POLH: variants seen among roughly 807,000 people sequenced by gnomAD.
POLH encodes the protein DNA polymerase eta transcript.
In POLH, 53 loss-of-function variants were observed where a neutral mutation model predicts 73.6. That is an observed-to-expected ratio of 0.72 (90% confidence interval 0.58 to 0.91). The LOEUF (loss-of-function observed/expected upper bound fraction) is 0.91. Ranked by LOEUF, POLH falls within the 40% of genes least tolerant of loss-of-function variation. POLH has a pLI of 0.00. For synonymous variants in POLH, 292 were observed against 308.5 expected, an observed-to-expected ratio of 0.95 and a Z score of 0.56; for missense variants, 768 against 865.4, an observed-to-expected ratio of 0.89 and a Z score of 1.41.
At chr6:43,595,057 G>A (rs1479228063) in intron 4 of POLH, among the ~76,000 whole-genome samples, 1 of 152,104 alleles carries the variant, frequency 6.6e-6, no homozygotes, top group African/African-American at 2.4e-5. Flanking sequence ...TTAGCTGGGC[G>A]TGGTGGCATC....
intron 5 of POLH, among the ~76,000 whole-genome samples, chr6:43,600,158 C>CA (rs138043805): frequency 2.9e-3 from 397 of 134,930 alleles, no homozygotes; most frequent in Middle Eastern, 0.011. Context: ...AACTCTGTCT[C>CA]AAAAAAAAAA....
In POLH at chr6:43,616,315, T is replaced by G. The variant is rs367657030; in HGVS notation, c.*1758T>G. On this transcript the variant is annotated 3_prime_UTR_variant, in exon 11 of 11. Coordinates refer to ENST00000372236, the MANE Select transcript of POLH (RefSeq NM_006502.3). ...AAAAAAGAAAAACTTCTCTTTAGGC[T>G]GGGTGCGGTTCCTCATGCCTATAAT... 1.8e-4 allele frequency among the ~76,000 whole-genome samples: 26 copies of G among 148,422 alleles called. No homozygotes were observed. The South Asian group carries it at 5.3e-3, about 30-fold the overall frequency.
At position 43,617,687 on chromosome 6, in the gene POLH, T is replaced by C. The variant is rs2127826589; in HGVS notation, c.*3130T>C. On this transcript the variant is annotated 3_prime_UTR_variant, in exon 11 of 11. Transcript: ENST00000372236. ...GCTCATGCCTGTAATCCCAGCACTT[T>C]GGGAGGCTGAGGTGGGTGTATCACG... Among the ~76,000 whole-genome samples the C allele has an allele frequency of 6.6e-6, 1 of 152,032 alleles. No individual in the cohort carries two copies. Among genetic ancestry groups the C allele is most frequent in the Admixed American group, 6.5e-5 (1 of 15,274 alleles).
intron 1 of POLH, among the ~76,000 whole-genome samples, chr6:43,578,108 C>T (rs1172156383): frequency 2.0e-5 from 3 of 151,534 alleles, no homozygotes; most frequent in Admixed American, 6.6e-5. Flanking sequence ...CATGCTAGGC[C>T]GAGCGCGATG....
chr6:43,612,793 A>G (rs1429136458), intron 10 of POLH, among the ~76,000 whole-genome samples: 1 of 150,852 alleles, frequency 6.6e-6, no homozygotes, highest in Non-Finnish European at 1.5e-5. Flanking sequence ...TATGACAAAA[A>G]TTTCTGATTT....
Position 43,595,624 on chromosome 6 carries a change from G to A in POLH, c.491-2072G>A, listed in dbSNP as rs797014208. ...AAATTAGCCGGGCGTGGTTGCAGGC[G>A]ACTGTAGTCCCAGCTACTTGGGAGG... On this transcript the variant is annotated intron_variant, in intron 4 of 10. Coordinates refer to ENST00000372236, the MANE Select transcript of POLH (RefSeq NM_006502.3). Among the ~76,000 whole-genome samples, 7 of 152,026 alleles carry A rather than the reference G, an allele frequency of 4.6e-5. No homozygotes were observed. In the East Asian group the frequency reaches 9.7e-4, roughly 21 times the overall value.
intron 4 of POLH, among the ~76,000 whole-genome samples, chr6:43,595,612 G>A (rs1040801908): frequency 1.3e-5 from 2 of 152,016 alleles, no homozygotes; most frequent in East Asian, 1.9e-4. Context: ...TTAGCCGGGC[G>A]TGGTTGCAGG....
chr6:43,590,312 C>T lies in POLH; in HGVS notation c.490+2823C>T, dbSNP rs534630911. ...GGAGGAGGATGCAGTGAGCTGAGAT[C>T]GTACCACTGCACTCCAGCCTCGGCA... On this transcript the variant is annotated intron_variant, in intron 4 of 10. Coordinates refer to ENST00000372236, the MANE Select transcript of POLH (RefSeq NM_006502.3). Among the ~76,000 whole-genome samples the T allele has an allele frequency of 9.1e-4, 137 of 150,586 alleles. 1 individual carries two copies. Among genetic ancestry groups the T allele is most frequent in the African/African-American group, 5.1e-4 (21 of 40,910 alleles).
At chr6:43,581,163 C>G (rs1764144522) in intron 1 of POLH, among the ~76,000 whole-genome samples, 1 of 148,696 alleles carries the variant, frequency 6.7e-6, no homozygotes, top group Non-Finnish European at 1.5e-5. Flanking sequence ...CAGAGGGTCT[C>G]CTCACTTCTC....
chr6:43,579,892 A>G (rs1159312304), intron 1 of POLH, among the ~76,000 whole-genome samples: 1 of 151,300 alleles, frequency 6.6e-6, no homozygotes, highest in African/African-American at 2.5e-5. Context: ...TGTTGAGTGA[A>G]AGAATCTTTT....
In POLH at chr6:43,619,418, C is replaced by A. The variant is rs1768568509; in HGVS notation, c.*4861C>A. 6.7e-6 allele frequency among the ~76,000 whole-genome samples: 1 copy of A among 148,908 alleles called. No individual in the cohort carries two copies. The highest frequency in any genetic ancestry group is 2.1e-4 in the South Asian group (1 of 4,678). ...AAGACTACATTCACTGTATACGTGG[C>A]CTTTTCCCCCTAACTAGCTATGTAG... On this transcript the variant is annotated 3_prime_UTR_variant, in exon 11 of 11. Coordinates refer to ENST00000372236, the MANE Select transcript of POLH (RefSeq NM_006502.3).
chr6:43,617,378 C>A lies in POLH; in HGVS notation c.*2821C>A, dbSNP rs969543672. On this transcript the variant is annotated 3_prime_UTR_variant, in exon 11 of 11. Transcript: ENST00000372236. ...GTGGTGGCTCATGCCTGTAATCCCA[C>A]ACTTTGGGAGGCCAAGGTGGGCGGA... is the stretch of plus-strand genomic sequence containing the variant. Among the ~76,000 whole-genome samples the A allele has an allele frequency of 4.0e-5, 6 of 150,912 alleles. No homozygotes were observed. Among genetic ancestry groups the A allele is most frequent in the African/African-American group, 1.5e-4 (6 of 40,984 alleles).
At chr6:43,597,093 T>C (rs1766145993) in intron 4 of POLH, among the ~76,000 whole-genome samples, 1 of 152,148 alleles carries the variant, frequency 6.6e-6, no homozygotes, top group Non-Finnish European at 1.5e-5. Flanking sequence ...ACTGGGGAGA[T>C]AAATGTGTTT....
At chr6:43,595,223 C>T (rs1317210751) in intron 4 of POLH, among the ~76,000 whole-genome samples, 3 of 151,720 alleles carry the variant, frequency 2.0e-5, no homozygotes, top group Non-Finnish European at 4.4e-5. Context: ...CTCCGCCTCC[C>T]GGGTTCAAGT....
intron 5 of POLH, among the ~76,000 whole-genome samples, chr6:43,599,113 C>T (rs554916741): frequency 1.3e-4 from 20 of 151,538 alleles, no homozygotes; most frequent in African/African-American, 4.4e-4. Flanking sequence ...CTCAGCCTCC[C>T]GAGTAGCTGG....
At position 43,597,714 on chromosome 6, in the gene POLH, G is replaced by T. The variant is rs768889859; in HGVS notation, c.509G>T (p.Gly170Val). 12 of 1,613,974 alleles carry T rather than the reference G, an allele frequency of 7.4e-6. No individual in the cohort carries two copies. Among genetic ancestry groups the T allele is most frequent in the Non-Finnish European group, 1.0e-5 (12 of 1,179,920 alleles). ...TVQKEGMRKQ[G>V]LFQWLDSLQI... is the part of the protein sequence containing the mutation. ...ATTTCAGAGGGGATGCGAAAACAAG[G>T]CTTATTTCAATGGCTCGATTCTCTT... is the stretch of plus-strand genomic sequence containing the variant. Residue 170 changes from glycine (G) to valine (V), a missense_variant, in exon 5 of 11, where the codon GGC becomes GTC. By Grantham distance (109) the Gly-to-Val change is moderately radical. Transcript: ENST00000372236.
chr6:43,595,881 C>T (rs1287684160), intron 4 of POLH, among the ~76,000 whole-genome samples: 6 of 151,350 alleles, frequency 4.0e-5, no homozygotes, highest in Admixed American at 4.0e-4. Flanking sequence ...CCTGAAACAC[C>T]AAGGCTTGCA....
At chr6:43,591,386 C>T (rs1297409876) in intron 4 of POLH, 1 of 152,108 alleles carries the variant, frequency 6.6e-6, no homozygotes, top group East Asian at 1.9e-4. Context: ...GTTGTGAGAT[C>T]TTGGCACACT....
intron 4 of POLH, among the ~76,000 whole-genome samples, chr6:43,590,633 C>A (rs1243207318): frequency 6.6e-6 from 1 of 151,052 alleles, no homozygotes; most frequent in Non-Finnish European, 1.5e-5. Flanking sequence ...CTGCATGTTT[C>A]ATGTTTTGGC....
Sources: gnomAD v4.1 joint callset for allele counts (sites outside exome capture counted in the v4.1 genomes callset) on GRCh38, gnomAD v4.1.1 for gene constraint, MANE v1.5 for transcripts, NCBI Gene and HGNC (gene_info 2026-07-23, HGNC 2026-07-21) for gene names.